Variants in TMCC1 observed in about 807,000 individuals in gnomAD.
The protein encoded by TMCC1 is transmembrane and coiled-coil domains protein 1.
Under a neutral mutation model 52.4 loss-of-function variants are expected in TMCC1, and 15 were observed. That is an observed-to-expected ratio of 0.29 (90% CI 0.19 to 0.44). The LOEUF is 0.44. Among genes scored for constraint, TMCC1 ranks in the 20% least tolerant of loss-of-function variants. The pLI, the probability that TMCC1 is intolerant of heterozygous loss-of-function variation, is 1.00. For missense variants in TMCC1, 503 were observed against 806.0 expected, an observed-to-expected ratio of 0.62 and a Z score of 4.55; for synonymous variants, 279 against 301.9, an observed-to-expected ratio of 0.92 and a Z score of 0.79.
intron 2 of TMCC1, among the ~76,000 whole-genome samples, chr3:129,857,599 T>TCA (rs755972862): frequency 6.6e-6 from 1 of 152,112 alleles, no homozygotes; most frequent in Non-Finnish European, 1.5e-5. Context: ...TCTCGCTCTG[T>TCA]CACACAGGCT....
At chr3:129,766,354 T>C (rs1431528210) in intron 4 of TMCC1, among the ~76,000 whole-genome samples, 1 of 151,884 alleles carries the variant, frequency 6.6e-6, no homozygotes, top group Non-Finnish European at 1.5e-5. Context: ...TCATTCATTC[T>C]TTCACTCATG....
At chr3:129,789,013 A>C (rs2056257078) in intron 4 of TMCC1, among the ~76,000 whole-genome samples, 1 of 152,232 alleles carries the variant, frequency 6.6e-6, no homozygotes, top group African/African-American at 2.4e-5. Flanking sequence ...GCAAAACATT[A>C]CATTTCCAAG....
rs368776883 is a variant in TMCC1 at position 129,670,656 on chromosome 3, T to C, written c.1185A>G (p.Glu395=). Residue 395 remains glutamate, a synonymous_variant, in exon 5 of 7, where the codon GAA becomes GAG. Coordinates refer to ENST00000393238, the MANE Select transcript of TMCC1 (RefSeq NM_001017395.5). The part of the protein sequence containing the change: ...NIPNLKDSLE[E]GQVDDAGKAL... ...CCTTCCCCGCATCATCCACTTGCCC[T>C]TCCTCTAAAGAGTCCTTCAGGTTGG... 1.2e-6 allele frequency: 2 copies of C among 1,614,240 alleles called. No homozygotes were observed. Among genetic ancestry groups the C allele is most frequent in the African/African-American group, 2.7e-5 (2 of 75,064 alleles).
chr3:129,827,671 A>C, intron 4 of TMCC1, 132 bp downstream of exon 4: 1 of 1,073,600 alleles, frequency 9.3e-7, no homozygotes, highest in South Asian at 1.7e-5. Context: ...CCATTTGAAA[A>C]GGGGAAAAAT....
chr3:129,874,096 T>G (rs966597996), intron 2 of TMCC1, among the ~76,000 whole-genome samples: 1 of 152,148 alleles, frequency 6.6e-6, no homozygotes, highest in Non-Finnish European at 1.5e-5. Context: ...TGGTTGTTAC[T>G]AAGGAGGAGA....
chr3:129,813,898 T>C (rs2057965319), intron 4 of TMCC1, among the ~76,000 whole-genome samples: 3 of 152,204 alleles, frequency 2.0e-5, no homozygotes, highest in African/African-American at 7.2e-5. Context: ...ATTTAACAAT[T>C]TGAAAATGTA....
At chr3:129,661,884 G>A (rs1406963917) in intron 5 of TMCC1, among the ~76,000 whole-genome samples, 1 of 152,104 alleles carries the variant, frequency 6.6e-6, no homozygotes, top group Non-Finnish European at 1.5e-5. Flanking sequence ...AGTTCCCACT[G>A]ACTTCCCACT....
At chr3:129,683,210 G>C (rs1247466049) in intron 4 of TMCC1, among the ~76,000 whole-genome samples, 1 of 152,222 alleles carries the variant, frequency 6.6e-6, no homozygotes, top group Non-Finnish European at 1.5e-5. Context: ...TCCTTTTCAT[G>C]CCAACCATAG....
intron 1 of TMCC1, among the ~76,000 whole-genome samples, chr3:129,881,382 G>C (rs1048788240): frequency 2.0e-5 from 3 of 152,110 alleles, no homozygotes; most frequent in Non-Finnish European, 4.4e-5. Flanking sequence ...ACGAATCATA[G>C]ATAAATATTT....
At chr3:129,799,206 C>T (rs997235954) in intron 4 of TMCC1, among the ~76,000 whole-genome samples, 19 of 152,174 alleles carry the variant, frequency 1.2e-4, no homozygotes, top group African/African-American at 4.3e-4. Context: ...CTCTTTGAAA[C>T]ATGCTAAATT....
chr3:129,868,800 A>T (rs2060779133), intron 2 of TMCC1: 1 of 152,228 alleles, frequency 6.6e-6, no homozygotes. Context: ...TGACATTACC[A>T]ATAATCAAAT....
rs567656540 is a variant in TMCC1 at position 129,843,282 on chromosome 3, G to A, written c.-183-10456C>T. 3.9e-5 allele frequency among the ~76,000 whole-genome samples: 6 copies of A among 152,158 alleles called. 2 individuals are homozygous for A. The highest frequency in any genetic ancestry group is 3.9e-4 in the Admixed American group (6 of 15,282). On this transcript the variant is annotated intron_variant, in intron 2 of 6. Coordinates refer to ENST00000393238, the MANE Select transcript of TMCC1 (RefSeq NM_001017395.5). ...GAATGCCATGAACCTGGGAGGCGGA[G>A]CTTGCAGTGAGCCGAGATCGCACCA...
chr3:129,699,538 C>T (rs1196810021), intron 4 of TMCC1, among the ~76,000 whole-genome samples: 1 of 152,194 alleles, frequency 6.6e-6, no homozygotes, highest in Non-Finnish European at 1.5e-5. Flanking sequence ...AGTTGAATAG[C>T]TCAAGCCACT....
At chr3:129,666,568 G>C (rs902460839) in intron 5 of TMCC1, among the ~76,000 whole-genome samples, 2 of 151,522 alleles carry the variant, frequency 1.3e-5, no homozygotes, top group South Asian at 4.2e-4. Context: ...GTAAAACCCC[G>C]CCTCTCTTAA....
intron 4 of TMCC1, among the ~76,000 whole-genome samples, chr3:129,687,990 T>A (rs752981084): frequency 3.3e-5 from 5 of 152,222 alleles, no homozygotes; most frequent in African/African-American, 4.8e-5. Context: ...ATGAGAAAAC[T>A]TGGATTATCT....
intron 1 of TMCC1, among the ~76,000 whole-genome samples, chr3:129,889,758 C>T (rs1384843685): frequency 6.6e-6 from 1 of 151,506 alleles, no homozygotes; most frequent in East Asian, 1.9e-4. Flanking sequence ...GACAAATGCT[C>T]ATGAAACTAG....
intron 2 of TMCC1, chr3:129,866,951 A>G (rs563914052): frequency 4.9e-4 from 74 of 152,310 alleles, no homozygotes; most frequent in African/African-American, 1.4e-3. Context: ...TTCTTTATCA[A>G]CAATATTTTT....
intron 4 of TMCC1, among the ~76,000 whole-genome samples, chr3:129,761,825 T>C (rs960998333): frequency 1.3e-5 from 2 of 151,868 alleles, no homozygotes; most frequent in African/African-American, 4.8e-5. Context: ...ACCCCATCTC[T>C]ACTAAAAATA....
chr3:129,759,438 TTG>T (rs751485249), intron 4 of TMCC1, among the ~76,000 whole-genome samples: 56 of 151,858 alleles, frequency 3.7e-4, no homozygotes, highest in Non-Finnish European at 5.3e-4. Flanking sequence ...CAGCTAATTT[TTG>T]TGTTTTTAGT....
Sources: gnomAD v4.1 joint callset for allele counts (sites outside exome capture counted in the v4.1 genomes callset) on GRCh38, gnomAD v4.1.1 for gene constraint, MANE v1.5 for transcripts, NCBI Gene and HGNC (gene_info 2026-07-23, HGNC 2026-07-21) for gene names.